KIDINS220: variants seen among roughly 807,000 people sequenced by gnomAD.
KIDINS220 encodes the protein kinase D interacting substrate 220, also known as kinase D-interacting substrate of 220 kDa.
KIDINS220 carries 63 observed loss-of-function variants against 157.6 expected under a neutral mutation model. That is an observed-to-expected ratio of 0.40 (90% CI 0.33 to 0.49). The LOEUF (loss-of-function observed/expected upper bound fraction) is 0.49, where lower values mean the gene tolerates loss of function less well. Among genes scored for constraint, KIDINS220 ranks in the 20% least tolerant of loss-of-function variants. The pLI is 0.66. For missense variants in KIDINS220, 1,772 were observed against 2,171.2 expected (o/e 0.82, Z 3.65); for synonymous variants, 732 against 783.6 (o/e 0.93, Z 1.10).
intron 27 of KIDINS220, among the ~76,000 whole-genome samples, chr2:8,736,270 C>T (rs1275546034): frequency 6.6e-6 from 1 of 152,094 alleles, no homozygotes; most frequent in African/African-American, 2.4e-5. Flanking sequence ...TAAAACCTTC[C>T]CCCAAATCTC....
intron 22 of KIDINS220, among the ~76,000 whole-genome samples, chr2:8,766,180 G>A (rs758811560): frequency 2.8e-5 from 4 of 141,590 alleles, no homozygotes; most frequent in East Asian, 2.2e-4. Context: ...CTGGTGACCC[G>A]ACCTGACCTC....
At chr2:8,817,802 A>G (rs1364955468) in intron 3 of KIDINS220, 86 bp from the exon 4 acceptor site, 1 of 847,280 alleles carries the variant, frequency 1.2e-6, no homozygotes. Flanking sequence ...CTTACATACC[A>G]AATGATCATA....
At position 8,730,400 on chromosome 2, in the gene KIDINS220, TTAA is replaced by T. The variant is rs1279489733; in HGVS notation, c.*317_*319del. ...TTTTCTTTTTGGCACATTAAGCCCT[TTAA>T]AATACTTCTGACCTATCTTTATACT... On this transcript the variant is annotated 3_prime_UTR_variant, in exon 30 of 30. Coordinates refer to ENST00000256707, the MANE Select transcript of KIDINS220 (RefSeq NM_020738.4). 3 of 1,101,170 alleles carry T rather than the reference TTAA, an allele frequency of 2.7e-6. No homozygotes were observed. Among genetic ancestry groups the T allele is most frequent in the Non-Finnish European group, 3.3e-6 (3 of 906,006 alleles). The allele number at this position is 1,101,170 out of a possible 1,614,324, so 68.2% of individuals were successfully genotyped here. A position where few individuals can be genotyped will look rare whatever the true frequency, so the allele number is the denominator to read the frequency against.
chr2:8,803,489 A>G (rs1382714849), intron 7 of KIDINS220, among the ~76,000 whole-genome samples: 1 of 152,176 alleles, frequency 6.6e-6, no homozygotes, highest in African/African-American at 2.4e-5. Context: ...GTGTTTATAT[A>G]TAAACACATT....
intron 20 of KIDINS220, 100 bp downstream of exon 20, chr2:8,778,539 A>G (rs896200555): frequency 3.5e-6 from 3 of 847,056 alleles, no homozygotes; most frequent in African/African-American, 3.3e-5. Context: ...TGAAGCGTTT[A>G]ATGCAATATT....
chr2:8,807,925 C>T (rs1310311960), intron 6 of KIDINS220, among the ~76,000 whole-genome samples: 1 of 152,164 alleles, frequency 6.6e-6, no homozygotes, highest in African/African-American at 2.4e-5. Context: ...AGTTTAAGAC[C>T]AGCCTGGCCA....
chr2:8,822,488 C>T (rs1424863341), intron 2 of KIDINS220, among the ~76,000 whole-genome samples: 5 of 151,952 alleles, frequency 3.3e-5, no homozygotes, highest in Admixed American at 6.6e-5. Flanking sequence ...ATGAGCCAGG[C>T]GTGGTAGCAC....
downstream of KIDINS220, chr2:8,723,558 A>G (rs1350576976): frequency 2.0e-5 from 3 of 152,210 alleles, no homozygotes; most frequent in Non-Finnish European, 4.4e-5. Context: ...TCCATATGAA[A>G]TCCCGGGATA....
intron 1 of KIDINS220, among the ~76,000 whole-genome samples, chr2:8,833,236 C>CT (rs1318779238): frequency 2.6e-5 from 4 of 152,192 alleles, no homozygotes; most frequent in African/African-American, 9.7e-5. Context: ...ACCTCAGTGT[C>CT]TGAGTTTCCC....
intron 21 of KIDINS220, among the ~76,000 whole-genome samples, chr2:8,773,982 T>C (rs563301387): frequency 2.6e-5 from 4 of 152,258 alleles, no homozygotes; most frequent in African/African-American, 4.8e-5. Context: ...CTAGACATTG[T>C]TCTGGGTACT....
At chr2:8,732,652 G>A (rs1664289542) in intron 29 of KIDINS220, among the ~76,000 whole-genome samples, 1 of 152,166 alleles carries the variant, frequency 6.6e-6, no homozygotes, top group Non-Finnish European at 1.5e-5. Context: ...AGTTTAAGAA[G>A]GGTCAAGAGC....
chr2:8,758,546 T>C (rs6431961), intron 22 of KIDINS220, among the ~76,000 whole-genome samples: 147,240 of 152,280 alleles, frequency 0.97, 71,231 homozygotes, highest in Middle Eastern at 0.99. Context: ...TGTTATTCTG[T>C]TCTCTGTTTT....
chr2:8,809,813 C>T (rs1280068892), intron 6 of KIDINS220, among the ~76,000 whole-genome samples: 2 of 151,994 alleles, frequency 1.3e-5, no homozygotes, highest in African/African-American at 2.4e-5. Flanking sequence ...TCAATCCCAC[C>T]GTGTACTATT....
At chr2:8,734,544 T>TA in intron 28 of KIDINS220, 111 bp downstream of exon 28, 1 of 656,160 alleles carries the variant, frequency 1.5e-6, no homozygotes. Context: ...ATGAAAAAAA[T>TA]ACCAGTTTAG....
intron 2 of KIDINS220, among the ~76,000 whole-genome samples, chr2:8,820,864 T>C (rs555918642): frequency 5.4e-4 from 82 of 152,332 alleles, no homozygotes; most frequent in Admixed American, 1.5e-3. Flanking sequence ...CGCTCTAGGT[T>C]CTTTGGTATA....
At chr2:8,734,127 G>A (rs1388886024) in intron 28 of KIDINS220, among the ~76,000 whole-genome samples, 1 of 152,006 alleles carries the variant, frequency 6.6e-6, no homozygotes, top group Admixed American at 6.5e-5. Flanking sequence ...GGCAGGGTGG[G>A]GGTCGTGGAT....
intron 22 of KIDINS220, chr2:8,757,761 C>T (rs1390379202): frequency 1.9e-6 from 3 of 1,611,638 alleles, no homozygotes; most frequent in East Asian, 2.2e-5. Context: ...AATTCGGTCT[C>T]GGTCACAACT....
chr2:8,794,040 C>T (rs1673565445), intron 11 of KIDINS220, 53 bp from the exon 12 acceptor site: 27 of 1,292,868 alleles, frequency 2.1e-5, no homozygotes, highest in Non-Finnish European at 2.6e-5. Context: ...ATATAGTATG[C>T]AGACAGTAAC....
chr2:8,812,374 G>A, intron 6 of KIDINS220, 21 bp downstream of exon 6: 1 of 1,449,754 alleles, frequency 6.9e-7, no homozygotes, highest in Non-Finnish European at 9.5e-7. Context: ...ACTGGAACCT[G>A]AAAAGATGCT....
Sources: gnomAD v4.1 joint callset for allele counts (sites outside exome capture counted in the v4.1 genomes callset) on GRCh38, gnomAD v4.1.1 for gene constraint, MANE v1.5 for transcripts, NCBI Gene and HGNC (gene_info 2026-07-23, HGNC 2026-07-21) for gene names.